RIPOR2: variants seen among roughly 807,000 people sequenced by gnomAD.
RIPOR2 encodes rho family-interacting cell polarization regulator 2.
RIPOR2 carries 39 observed loss-of-function variants against 114.5 expected under a neutral mutation model. The observed-to-expected ratio is 0.34, with a 90% CI of 0.26 to 0.44. RIPOR2 has a LOEUF of 0.44. Ranked by LOEUF, RIPOR2 falls within the 20% of genes least tolerant of loss-of-function variation. The pLI is 1.00. For missense variants in RIPOR2, 1,007 were observed against 1,255.1 expected (o/e 0.80, Z 2.99); for synonymous variants, 445 against 484.4 (o/e 0.92, Z 1.07).
intron 1 of RIPOR2, among the ~76,000 whole-genome samples, chr6:24,900,362 A>G (rs1199115740): frequency 3.3e-5 from 5 of 152,236 alleles, no homozygotes; most frequent in Admixed American, 6.5e-5. Context: ...TGAGCACTCA[A>G]TGAATTAGTA....
chr6:24,972,503 AT>A (rs1442878933), intron 1 of RIPOR2, among the ~76,000 whole-genome samples: 19 of 152,302 alleles, frequency 1.2e-4, no homozygotes, highest in African/African-American at 4.3e-4. Flanking sequence ...GCATTATGAC[AT>A]TTACCCTGAA....
intron 16 of RIPOR2, among the ~76,000 whole-genome samples, 173 bp from the exon 17 acceptor site, chr6:24,830,843 G>A (rs916744979): frequency 6.6e-6 from 1 of 151,982 alleles, no homozygotes; most frequent in Non-Finnish European, 1.5e-5. Flanking sequence ...AGCTTCCCAA[G>A]TAGCAGGGAT....
chr6:24,873,721 G>A lies in RIPOR2; in HGVS notation c.267C>T (p.His89=). ...GCTCTTTGGGGGGATTGTTGTTTTT[G>A]TGGCCTAAATTGTGCATTTTCTTCA... ...AKLKKMHNLG[H]KNNNPPKEPQ... The change falls in exon 3 of 22, where the codon CAC becomes CAT. Residue 89 remains histidine (H), a synonymous_variant. Transcript: ENST00000643898. The A allele has an allele frequency of 6.2e-7, 1 of 1,613,576 alleles. No homozygotes were observed. The highest frequency in any genetic ancestry group is 8.5e-7 in the Non-Finnish European group (1 of 1,179,756).
chr6:24,819,858 A>G (rs936848020), intron 19 of RIPOR2, among the ~76,000 whole-genome samples: 4 of 151,858 alleles, frequency 2.6e-5, no homozygotes, highest in African/African-American at 9.7e-5. Flanking sequence ...AATGTGTAGT[A>G]CTTAACATTA....
Position 24,809,653 on chromosome 6 carries a change from T to A in RIPOR2, c.3043+64A>T, listed in dbSNP as rs9358801. The A allele has an allele frequency of 0.83, 909,740 of 1,096,188 alleles. 382,848 individuals carry two copies. Among genetic ancestry groups the A allele is most frequent in the East Asian group, 0.88 (34,154 of 38,766 alleles). The allele number at this position is 1,096,188 out of a possible 1,614,324, so 67.9% of individuals were successfully genotyped here. ...CTTACTGGAGAAGGGAACATCTAAA[T>A]GGGAACATCCGTTAGAGAGTGCCAG... On this transcript the variant is annotated intron_variant, in intron 21 of 21. Coordinates refer to ENST00000643898, the MANE Select transcript of RIPOR2 (RefSeq NM_001286445.3).
chr6:24,983,195 C>T (rs1265854129), intron 1 of RIPOR2, among the ~76,000 whole-genome samples: 1 of 102,556 alleles, frequency 9.8e-6, no homozygotes, highest in Non-Finnish European at 2.2e-5. Flanking sequence ...TGAACACGTA[C>T]ACACACACAC....
At chr6:24,909,287 G>A (rs1769307962) in intron 1 of RIPOR2, among the ~76,000 whole-genome samples, 1 of 152,070 alleles carries the variant, frequency 6.6e-6, no homozygotes, top group Non-Finnish European at 1.5e-5. Flanking sequence ...TCCTACAGAA[G>A]GATAACTACT....
At chr6:24,850,760 AC>A (rs34504459) in intron 9 of RIPOR2, 38 bp from the exon 10 acceptor site, 1 of 1,610,844 alleles carries the variant, frequency 6.2e-7, no homozygotes. Flanking sequence ...ATGTCTTGCC[AC>A]CCCCTCTTCT....
At chr6:24,892,202 G>A (rs1056289504) in intron 1 of RIPOR2, among the ~76,000 whole-genome samples, 8 of 152,104 alleles carry the variant, frequency 5.3e-5, no homozygotes, top group African/African-American at 1.7e-4. Flanking sequence ...CAAGACTCCC[G>A]TCTCCCCTAA....
chr6:24,897,408 C>A (rs998097896), intron 1 of RIPOR2, among the ~76,000 whole-genome samples: 1 of 152,212 alleles, frequency 6.6e-6, no homozygotes, highest in Non-Finnish European at 1.5e-5. Flanking sequence ...AAGGGGGCCA[C>A]AGCGTGGACA....
intron 4 of RIPOR2, among the ~76,000 whole-genome samples, chr6:24,872,483 T>G (rs1392748689): frequency 6.6e-6 from 1 of 152,188 alleles, no homozygotes; most frequent in Non-Finnish European, 1.5e-5. Flanking sequence ...CTTCCCAAAG[T>G]GTTGGGATAA....
chr6:25,036,793 G>A (rs1561859432), intron 1 of RIPOR2, among the ~76,000 whole-genome samples: 1 of 152,140 alleles, frequency 6.6e-6, no homozygotes, highest in African/African-American at 2.4e-5. Flanking sequence ...CTCTGTGGGG[G>A]CAAACACTCC....
intron 1 of RIPOR2, among the ~76,000 whole-genome samples, chr6:25,022,451 A>C (rs1224502585): frequency 1.3e-5 from 2 of 150,344 alleles, no homozygotes; most frequent in Admixed American, 6.7e-5. Context: ...ATATACCTAC[A>C]GTTTGCTTAA....
intron 8 of RIPOR2, among the ~76,000 whole-genome samples, chr6:24,860,653 G>A (rs1489652726): frequency 1.3e-5 from 2 of 152,098 alleles, no homozygotes; most frequent in Non-Finnish European, 2.9e-5. Flanking sequence ...TTTTATCAAA[G>A]GAAAAACAAA....
rs1007310860 is a variant in RIPOR2, at chr6:24,860,877, C to T, written c.715+96G>A. On this transcript the variant is annotated intron_variant, in intron 8 of 21. Transcript: ENST00000643898. ...GAGAGTGGGTGGCGCTGCGTCTTTG[C>T]AAGGAAAATAAAAATAGCATGGGCT... 9 of 779,126 alleles carry T rather than the reference C, an allele frequency of 1.2e-5. No individual in the cohort carries two copies. In the Admixed American group the frequency reaches 2.4e-4, roughly 21 times the overall value. 48.3% of individuals were successfully genotyped at this position (779,126 alleles called of 1,614,324 possible).
Position 24,839,155 on chromosome 6 carries a change from C to G in RIPOR2, c.1975G>C (p.Glu659Gln). 1 of 1,551,740 alleles carries G rather than the reference C, an allele frequency of 6.4e-7. No individual in the cohort carries two copies. Among genetic ancestry groups the G allele is most frequent in the Non-Finnish European group, 8.7e-7 (1 of 1,146,986 alleles). Residue 659 changes from glutamate to glutamine, a missense_variant, in exon 14 of 22, where the codon GAG becomes CAG. By Grantham distance (29) the Glu-to-Gln change is conservative. Transcript: ENST00000643898. The part of the protein sequence containing the change: ...SDFDEEEDGD[E>Q]VCNVGGGADS... The stretch of plus-strand genomic sequence containing the variant: ...GCACCTCCGCCAACATTACAAACCT[C>G]ATCACCATCCTCCTCCTCGTCAAAA...
intron 3 of RIPOR2, 49 bp from the exon 4 acceptor site, chr6:24,873,008 G>A (rs765805173): frequency 5.5e-6 from 7 of 1,267,382 alleles, no homozygotes; most frequent in Admixed American, 1.7e-5. Context: ...CCTGTTAAGT[G>A]GAATCTGGTG....
At chr6:25,019,446 T>TA (rs1776184348) in intron 1 of RIPOR2, among the ~76,000 whole-genome samples, 1 of 152,134 alleles carries the variant, frequency 6.6e-6, no homozygotes. Flanking sequence ...CTAATAATTG[T>TA]ATAAAGATAT....
At chr6:24,824,125 C>A (rs971466070) in intron 19 of RIPOR2, among the ~76,000 whole-genome samples, 13 of 152,176 alleles carry the variant, frequency 8.5e-5, no homozygotes, top group African/African-American at 3.1e-4. Flanking sequence ...GTATCACAGA[C>A]CTGCTCCCCA....
Sources: gnomAD v4.1 joint callset for allele counts (sites outside exome capture counted in the v4.1 genomes callset) on GRCh38, gnomAD v4.1.1 for gene constraint, MANE v1.5 for transcripts, NCBI Gene and HGNC (gene_info 2026-07-23, HGNC 2026-07-21) for gene names.